The following HK3 variants were observed in gnomAD, a reference collection of about 807,000 sequenced individuals.
HK3 encodes hexokinase-3.
Under a neutral mutation model 91.0 loss-of-function variants are expected in HK3, and 93 were observed. The ratio of observed to expected loss-of-function variants is 1.02; its 90% confidence interval spans 0.86 to 1.21. HK3 has a LOEUF of 1.21. Ranked by LOEUF, HK3 falls within the 50% of genes most tolerant of loss-of-function variation. The pLI is 0.00. For synonymous variants in HK3, 519 were observed against 516.9 expected, an observed-to-expected ratio of 1.00 and a Z score of -0.06; for missense variants, 1,235 against 1,247.4, an observed-to-expected ratio of 0.99 and a Z score of 0.15.
chr5:176,882,051 G>A lies in HK3; in HGVS notation c.2130C>T (p.Cys710=). 1 of 1,613,104 alleles carries A rather than the reference G, an allele frequency of 6.2e-7. No individual in the cohort carries two copies. Among genetic ancestry groups the A allele is most frequent in the Non-Finnish European group, 8.5e-7 (1 of 1,180,032 alleles). The stretch of plus-strand genomic sequence containing the variant: ...CAAAGGCGCCCCACTCCATGTTGAT[G>A]CACATGCGGCCTGAGTCCCCAGGCA... ...AGVPGDSGRM[C]INMEWGAFGD... The change falls in exon 16 of 19, where the codon TGC becomes TGT. Residue 710 remains cysteine, a synonymous_variant. Coordinates refer to ENST00000292432, the MANE Select transcript of HK3 (RefSeq NM_002115.3).
Position 176,887,693 on chromosome 5 carries a change from A to T in HK3, c.1358T>A (p.Val453Asp). Residue 453 changes from valine (V) to aspartate (D), a missense_variant, in exon 11 of 19, where the codon GTC (valine) becomes GAC (aspartate). Val to Asp is a radical substitution (Grantham distance 152). Around this residue, in one of 3 missense-constraint regions of HK3, gnomAD observed 717 missense variants for 751.6 expected, o/e 0.95. Transcript: ENST00000292432. This position sits in a 1 kb window ranked among gnomAD's most constrained non-coding sequence, Gnocchi z 4.9. ...TVMLLAPECD[V>D]SLIPSVDGGG... Reference sequence around the variant, plus strand: ...ACCATCCACAGAGGGGATTAAGGAGACATCGCATTCCGGGGCCAGGAGCAT... The same window carrying T: ...ACCATCCACAGAGGGGATTAAGGAGTCATCGCATTCCGGGGCCAGGAGCAT... 3 of 1,613,214 alleles carry T rather than the reference A, an allele frequency of 1.9e-6. No individual in the cohort carries two copies. Among genetic ancestry groups the T allele is most frequent in the Non-Finnish European group, 2.5e-6 (3 of 1,179,408 alleles).
intron 1 of HK3, among the ~76,000 whole-genome samples, chr5:176,898,856 G>A (rs1758971863): frequency 2.0e-5 from 3 of 152,166 alleles, no homozygotes; most frequent in Admixed American, 2.0e-4. Flanking sequence ...TGGCAGGCTG[G>A]GTGTGGTGGC....
intron 2 of HK3, among the ~76,000 whole-genome samples, chr5:176,891,953 A>C (rs1299334092): frequency 6.6e-6 from 1 of 152,196 alleles, no homozygotes; most frequent in African/African-American, 2.4e-5. Flanking sequence ...TGCACGAACA[A>C]ACTTCAAGTG....
chr5:176,882,949 C>T (rs1170723972), intron 15 of HK3, among the ~76,000 whole-genome samples: 1 of 152,202 alleles, frequency 6.6e-6, no homozygotes, highest in Non-Finnish European at 1.5e-5. Context: ...TCAAGAGAGG[C>T]TGCCACATGC....
At chr5:176,895,398 A>G (rs1193236900) in intron 2 of HK3, among the ~76,000 whole-genome samples, 1 of 152,140 alleles carries the variant, frequency 6.6e-6, no homozygotes, top group Admixed American at 6.5e-5. Flanking sequence ...CTTTATCTCC[A>G]TTAGCCTTCA....
chr5:176,896,664 G>A (rs1758916756), intron 1 of HK3, among the ~76,000 whole-genome samples: 1 of 152,218 alleles, frequency 6.6e-6, no homozygotes, highest in African/African-American at 2.4e-5. Flanking sequence ...ACCTGCCAGA[G>A]AAGCAGGCAG....
chr5:176,893,812 G>A (rs1414630034), intron 2 of HK3, among the ~76,000 whole-genome samples: 1 of 152,194 alleles, frequency 6.6e-6, no homozygotes, highest in Non-Finnish European at 1.5e-5. Context: ...TCCTGGTGAG[G>A]CACACACAAG....
Position 176,887,827 on chromosome 5 carries a change from C to A in HK3, c.1305-81G>T. 1 of 1,453,960 alleles carries A rather than the reference C, an allele frequency of 6.9e-7. No homozygotes were observed. The highest frequency in any genetic ancestry group is 2.4e-5 in the East Asian group (1 of 42,260). The allele number at this position is 1,453,960 out of a possible 1,614,324, so 90.1% of individuals were successfully genotyped here. A position where few individuals can be genotyped will look rare whatever the true frequency, so the allele number is the denominator to read the frequency against. On this transcript the variant is annotated intron_variant, in intron 10 of 18. Transcript: ENST00000292432. The surrounding 1 kb of genome is among the most constrained non-coding windows in gnomAD (Gnocchi z 4.9). The stretch of plus-strand genomic sequence containing the variant: ...GTGTGCACGGCTTGGCCCTGGACCC[C>A]CAGATACATACAGGTGTGCCCAGCT...
chr5:176,890,776 GCTGCAGCCACCCT>G, intron 5 of HK3, 33 bp downstream of exon 5: 1 of 1,614,176 alleles, frequency 6.2e-7, no homozygotes, highest in Non-Finnish European at 8.5e-7. Context: ...CCTTCATGGG[GCTGCAGCCACCCT>G]CTACCCAGCG....
At position 176,887,368 on chromosome 5, in the gene HK3, T is replaced by C. The variant is rs368746744; in HGVS notation, c.1601-31A>G. 1 of 1,613,702 alleles carries C rather than the reference T, an allele frequency of 6.2e-7. No homozygotes were observed. The highest frequency in any genetic ancestry group is 8.5e-7 in the Non-Finnish European group (1 of 1,180,020). Reference sequence around the variant, plus strand: ...GGGGCAGAGACCCTCAGTGCCGGGATAGGGCTTGTGGCTCCAGCCCCAGCA... The same window carrying C: ...GGGGCAGAGACCCTCAGTGCCGGGACAGGGCTTGTGGCTCCAGCCCCAGCA... On this transcript the variant is annotated intron_variant, in intron 11 of 18. Coordinates refer to ENST00000292432, the MANE Select transcript of HK3 (RefSeq NM_002115.3). The surrounding 1 kb of genome is among the most constrained non-coding windows in gnomAD (Gnocchi z 4.9).
Position 176,889,510 on chromosome 5 carries a change from T to C in HK3, c.785A>G (p.Asp262Gly), listed in dbSNP as rs1758704112. 6.2e-7 allele frequency: 1 copy of C among 1,614,082 alleles called. No individual in the cohort carries two copies. Among genetic ancestry groups the C allele is most frequent in the Non-Finnish European group, 8.5e-7 (1 of 1,180,040 alleles). ...GACGCAGACGCGGCCCCGGTCTTCG[T>C]CCAGCACTGCCACATGCCGTGCCTC... is the stretch of plus-strand genomic sequence containing the variant. The part of the protein sequence containing the change: ...MEEARHVAVL[D>G]EDRGRVCVSV... The change falls in exon 8 of 19, where the codon GAC (aspartate) becomes GGC (glycine). Residue 262 changes from aspartate to glycine, a missense_variant. By Grantham distance (94) the Asp-to-Gly change is moderately conservative (BLOSUM62 -1). Around this residue, in one of 3 missense-constraint regions of HK3, gnomAD observed 717 missense variants for 751.6 expected, o/e 0.95. Coordinates refer to ENST00000292432, the MANE Select transcript of HK3 (RefSeq NM_002115.3).
intron 15 of HK3, among the ~76,000 whole-genome samples, chr5:176,882,484 C>T (rs1300032191): frequency 6.6e-6 from 1 of 152,220 alleles, no homozygotes; most frequent in African/African-American, 2.4e-5. Flanking sequence ...GCTCCCTGGA[C>T]CGGCCTGCCA....
chr5:176,885,616 T>A (rs1409459470), intron 13 of HK3, among the ~76,000 whole-genome samples: 2 of 152,060 alleles, frequency 1.3e-5, no homozygotes, highest in East Asian at 3.9e-4. Flanking sequence ...GAGATGGGGT[T>A]TCAGCATCTT....
rs199684264 is a variant in HK3, at chr5:176,883,797, G to A, written c.2026C>T (p.Pro676Ser). 1.9e-4 allele frequency: 308 copies of A among 1,613,912 alleles called. No individual in the cohort carries two copies. The highest frequency in any genetic ancestry group is 3.5e-4 in the Admixed American group (21 of 60,016). The change falls in exon 15 of 19, where the codon CCC (proline) becomes TCC (serine). Residue 676 changes from proline (P) to serine (S), a missense_variant. Pro to Ser is a moderately conservative substitution (Grantham distance 74). Around this residue, in one of 3 missense-constraint regions of HK3, gnomAD observed 513 missense variants for 477.4 expected, o/e 1.07. Transcript: ENST00000292432. Reference sequence around the variant, plus strand: ...ACAATGAGGCCTATCTCGCAACGGGGGTCCTCATAGCCACAGGACATCATG... The same window carrying A: ...ACAATGAGGCCTATCTCGCAACGGGAGTCCTCATAGCCACAGGACATCATG... ...GTMMSCGYED[P>S]RCEIGLIVGT...
chr5:176,889,422 G>C lies in HK3; in HGVS notation c.873C>G (p.Asp291Glu). The change falls in exon 8 of 19, where the codon GAC becomes GAG. Residue 291 changes from aspartate to glutamate, a missense_variant. Transcript: ENST00000292432. ...GALGPVLTTF[D>E]HTLDHESLNP... ...TCAGGGACTCATGGTCCAGGGTATG[G>C]TCGAAGGTGGTCAGCACTGGTCCCA... The C allele has an allele frequency of 6.2e-7, 1 of 1,614,172 alleles. No individual in the cohort carries two copies. The highest frequency in any genetic ancestry group is 8.5e-7 in the Non-Finnish European group (1 of 1,180,024).
intron 1 of HK3, 142 bp downstream of exon 1, chr5:176,899,125 A>C (rs1758980024): frequency 6.6e-6 from 1 of 152,246 alleles, no homozygotes; most frequent in Admixed American, 6.5e-5. Flanking sequence ...ATAGAGAGAG[A>C]GACCCCATCT....
intron 15 of HK3, 52 bp from the exon 16 acceptor site, chr5:176,882,179 C>G (rs1472124170): frequency 1.3e-6 from 2 of 1,585,958 alleles, no homozygotes; most frequent in East Asian, 2.2e-5. Context: ...AGACAAGGAC[C>G]CTCTGAGCAC....
chr5:176,892,682 A>T (rs1448464451), intron 2 of HK3, among the ~76,000 whole-genome samples: 1 of 152,092 alleles, frequency 6.6e-6, no homozygotes, highest in Non-Finnish European at 1.5e-5. Context: ...CAGGAGTTCC[A>T]TTTCAATGAC....
rs375205938 is a variant in HK3 at position 176,889,743 on chromosome 5, G to A, written c.632C>T (p.Ala211Val). ...CACAGCAACCACGTCGATGTTGTAG[G>A]CCTAGATGATGAAGAGGGCAGAGGT... ...LLRDAIRRQG[A>V]YNIDVVAVVN... The change falls in exon 7 of 19, where the codon GCC (alanine) becomes GTC (valine). Residue 211 changes from alanine to valine, a missense_variant and splice_region_variant. Physicochemically the swap from Ala to Val is moderately conservative, Grantham distance 64. This residue lies in a region of HK3 where 717 missense variants were observed against 751.6 expected (regional missense o/e 0.95). Transcript: ENST00000292432. The A allele has an allele frequency of 2.5e-6, 4 of 1,613,540 alleles. No individual in the cohort carries two copies. Among genetic ancestry groups the A allele is most frequent in the Admixed American group, 1.7e-5 (1 of 60,008 alleles).
Sources: gnomAD v4.1 joint callset for allele counts (sites outside exome capture counted in the v4.1 genomes callset) on GRCh38, gnomAD v4.1.1 for gene constraint, gnomAD v4.1.1 regional missense constraint, Gnocchi (gnomAD v3.1) non-coding constraint, MANE v1.5 for transcripts, NCBI Gene and HGNC (gene_info 2026-07-23, HGNC 2026-07-21) for gene names.